Variants in PSMF1 observed in about 807,000 individuals in gnomAD.
PSMF1 encodes the protein proteasome inhibitor subunit 1.
A neutral mutation model predicts 29.3 loss-of-function variants in PSMF1; 30 were observed. The ratio of observed to expected loss-of-function variants is 1.02; its 90% confidence interval spans 0.77 to 1.39. The LOEUF is 1.39. PSMF1 is among the 40% of genes most tolerant of loss of function. PSMF1 has a pLI of 0.00. For missense variants in PSMF1, 344 were observed against 357.5 expected, an observed-to-expected ratio of 0.96 and a Z score of 0.31; for synonymous variants, 134 against 139.7, an observed-to-expected ratio of 0.96 and a Z score of 0.29.
intron 3 of PSMF1, among the ~76,000 whole-genome samples, chr20:1,131,758 A>T (rs1600147331): frequency 6.6e-6 from 1 of 152,176 alleles, no homozygotes; most frequent in Admixed American, 6.5e-5. Flanking sequence ...TCTGTGTCGG[A>T]TGAGATGGTA....
At position 1,125,588 on chromosome 20, in the gene PSMF1, G is replaced by C. The variant is rs753799252; in HGVS notation, c.220G>C (p.Gly74Arg). ...LYVLRYEYKD[G>R]SRKLLVKAIT... ...TGTCCTCCGGTATGAGTATAAGGAT[G>C]GGTCCAGAAAGCTCCTTGTGAAAGC... Residue 74 changes from glycine to arginine, a missense_variant, in exon 2 of 7, where the codon GGG (glycine) becomes CGG (arginine). Physicochemically the swap from Gly to Arg is moderately radical, Grantham distance 125 (BLOSUM62 -2). Coordinates refer to ENST00000335877, the MANE Select transcript of PSMF1 (RefSeq NM_006814.5). 1 of 1,614,074 alleles carries C rather than the reference G, an allele frequency of 6.2e-7. No individual in the cohort carries two copies. Among genetic ancestry groups the C allele is most frequent in the Admixed American group, 1.7e-5 (1 of 60,006 alleles).
chr20:1,124,436 C>T (rs1392143062), intron 1 of PSMF1, among the ~76,000 whole-genome samples: 2 of 152,132 alleles, frequency 1.3e-5, no homozygotes, highest in East Asian at 1.9e-4. Context: ...GCCAACTACA[C>T]GGAGCAACAG....
At chr20:1,153,697 C>T (rs1000310641) in intron 4 of PSMF1, among the ~76,000 whole-genome samples, 5 of 152,140 alleles carry the variant, frequency 3.3e-5, no homozygotes, top group African/African-American at 1.2e-4. Context: ...TATCTTTCTT[C>T]CCCTGAGGTT....
At chr20:1,153,288 T>C (rs1305796714) in intron 4 of PSMF1, among the ~76,000 whole-genome samples, 2 of 152,150 alleles carry the variant, frequency 1.3e-5, no homozygotes, top group Admixed American at 1.3e-4. Flanking sequence ...GTCAAGAGTA[T>C]GGATTTGCTT....
Position 1,125,649 on chromosome 20 carries a change from T to G in PSMF1, c.281T>G (p.Leu94Arg). ...GAGAGCAGCATGATCCTCAATGTGC[T>G]GGTGAGTCTCTGGGACACGTGAGTC... ...TVESSMILNV[L>R]EYGSQQVADL... Residue 94 changes from leucine to arginine, a missense_variant and splice_region_variant, in exon 2 of 7, where the codon CTG becomes CGG. By Grantham distance (102) the Leu-to-Arg change is moderately radical. Transcript: ENST00000335877. 1.2e-6 allele frequency: 2 copies of G among 1,610,350 alleles called. No individual in the cohort carries two copies. The highest frequency in any genetic ancestry group is 8.5e-7 in the Non-Finnish European group (1 of 1,178,266).
chr20:1,118,461 G>A (rs2086034178), upstream of PSMF1: 2 of 264,338 alleles, frequency 7.6e-6, no homozygotes, highest in African/African-American at 2.2e-5. Flanking sequence ...AGGCGATCCT[G>A]TCGACTGCCG....
chr20:1,125,655 G>A lies in PSMF1; in HGVS notation c.282+5G>A, dbSNP rs764262088. 9 of 1,608,042 alleles carry A rather than the reference G, an allele frequency of 5.6e-6. No individual in the cohort carries two copies. The East Asian group carries it at 1.8e-4, about 32-fold the overall frequency. ...AGCATGATCCTCAATGTGCTGGTGA[G>A]TCTCTGGGACACGTGAGTCTGCTGA... On this transcript the variant is annotated splice_donor_5th_base_variant and intron_variant, in intron 2 of 6. Coordinates refer to ENST00000335877, the MANE Select transcript of PSMF1 (RefSeq NM_006814.5).
At chr20:1,119,616 A>AT (rs1426776516) in intron 1 of PSMF1, among the ~76,000 whole-genome samples, 1 of 152,028 alleles carries the variant, frequency 6.6e-6, no homozygotes, top group African/African-American at 2.4e-5. Context: ...CTCTTCTCCC[A>AT]TCCCCAGGCT....
intron 4 of PSMF1, among the ~76,000 whole-genome samples, chr20:1,162,717 A>G (rs1479645638): frequency 6.6e-6 from 1 of 151,946 alleles, no homozygotes; most frequent in African/African-American, 2.4e-5. Flanking sequence ...GCTGTATGTG[A>G]CTCCATACAT....
chr20:1,142,128 G>A (rs942709265), intron 4 of PSMF1, among the ~76,000 whole-genome samples: 14 of 152,108 alleles, frequency 9.2e-5, no homozygotes, highest in Non-Finnish European at 4.4e-5. Flanking sequence ...AGGCTGAGGT[G>A]GGAGAATTGC....
chr20:1,125,349 G>A (rs539768264), intron 1 of PSMF1, 149 bp from the exon 2 acceptor site: 9 of 801,990 alleles, frequency 1.1e-5, no homozygotes, highest in African/African-American at 8.7e-5. Flanking sequence ...CCTCTCTCTC[G>A]CTGTAGGATC....
intron 1 of PSMF1, among the ~76,000 whole-genome samples, chr20:1,122,305 T>C (rs1230826491): frequency 6.7e-6 from 1 of 149,834 alleles, no homozygotes; most frequent in South Asian, 2.1e-4. Context: ...CTTTTTTTTT[T>C]TTTTTTTTTT....
At chr20:1,129,385 A>G (rs1452480897) in intron 3 of PSMF1, among the ~76,000 whole-genome samples, 2 of 152,212 alleles carry the variant, frequency 1.3e-5, no homozygotes, top group African/African-American at 4.8e-5. Context: ...TGCATTTAAT[A>G]GTATCTAATC....
chr20:1,164,733 A>G lies in PSMF1; in HGVS notation c.764+257A>G, dbSNP rs1056513758. On this transcript the variant is annotated intron_variant, in intron 6 of 6. Coordinates refer to ENST00000335877, the MANE Select transcript of PSMF1 (RefSeq NM_006814.5). The surrounding 1 kb of genome is among the most constrained non-coding windows in gnomAD (Gnocchi z 4.1). ...AAGTAGGAGGAACTAACAATTCTTG[A>G]AAGTTAAGTATGTGGCAGAAACTCA... Among the ~76,000 whole-genome samples, 4 of 152,084 alleles carry G rather than the reference A, an allele frequency of 2.6e-5. No individual in the cohort carries two copies. The highest frequency in any genetic ancestry group is 7.2e-5 in the African/African-American group (3 of 41,396).
chr20:1,124,786 G>C (rs1439542073), intron 1 of PSMF1, among the ~76,000 whole-genome samples: 1 of 152,222 alleles, frequency 6.6e-6, no homozygotes, highest in Non-Finnish European at 1.5e-5. Context: ...TGACGGAAGT[G>C]ATGCTGTGTA....
At chr20:1,121,128 GTTT>G (rs11478083) in intron 1 of PSMF1, among the ~76,000 whole-genome samples, 74 of 149,664 alleles carry the variant, frequency 4.9e-4, no homozygotes, top group Middle Eastern at 3.5e-3. Context: ...CATTTTAATA[GTTT>G]TTTTTTTTTT....
At chr20:1,132,923 T>C (rs1174229841) in intron 3 of PSMF1, among the ~76,000 whole-genome samples, 1 of 151,750 alleles carries the variant, frequency 6.6e-6, no homozygotes, top group Non-Finnish European at 1.5e-5. Context: ...TGTTGAACTC[T>C]TCTATCCTGT....
chr20:1,159,120 C>T (rs933928691), intron 4 of PSMF1, among the ~76,000 whole-genome samples: 7 of 151,776 alleles, frequency 4.6e-5, no homozygotes, highest in African/African-American at 1.5e-4. Context: ...TCACAGAAGT[C>T]TTCATGTGTT....
chr20:1,136,636 A>G (rs973112045), intron 4 of PSMF1, among the ~76,000 whole-genome samples: 1 of 152,234 alleles, frequency 6.6e-6, no homozygotes, highest in Non-Finnish European at 1.5e-5. Context: ...TAAGATGATG[A>G]TGTGTATTCC....
Sources: allele counts gnomAD v4.1 joint callset (sites outside exome capture counted in the v4.1 genomes callset), GRCh38; gene constraint gnomAD v4.1.1; non-coding constraint Gnocchi (gnomAD v3.1); transcripts MANE v1.5; gene names NCBI Gene and HGNC (gene_info 2026-07-23, HGNC 2026-07-21).